JAKMIP1: variants seen among roughly 807,000 people sequenced by gnomAD.
JAKMIP1 encodes janus kinase and microtubule-interacting protein 1.
Under a neutral mutation model 113.0 loss-of-function variants are expected in JAKMIP1, and 33 were observed. That is an observed-to-expected ratio of 0.29 (90% CI 0.22 to 0.39). The LOEUF is 0.39. Ranked by LOEUF, JAKMIP1 falls within the 10% of genes least tolerant of loss-of-function variation. The pLI is 1.00. For synonymous variants in JAKMIP1, 480 were observed against 459.9 expected (o/e 1.04, Z -0.56); for missense variants, 813 against 1,080.5 (o/e 0.75, Z 3.47).
rs1451348666 is a variant in JAKMIP1, at chr4:6,067,885, G to A, written c.1303-2877C>T. Among the ~76,000 whole-genome samples the A allele has an allele frequency of 6.6e-6, 1 of 152,008 alleles. No individual in the cohort carries two copies. Among genetic ancestry groups the A allele is most frequent in the African/African-American group, 2.4e-5 (1 of 41,384 alleles). On this transcript the variant is annotated intron_variant, in intron 8 of 20. Coordinates refer to ENST00000409021, the MANE Select transcript of JAKMIP1 (RefSeq NM_001099433.2). This position sits in a 1 kb window ranked among gnomAD's most constrained non-coding sequence, Gnocchi z 4.6. Reference sequence around the variant, plus strand: ...TGAGCTCCACGTTCCACATTTTTCTGAACAGCCACTGAGCTGACCTTATTT... The same window carrying A: ...TGAGCTCCACGTTCCACATTTTTCTAAACAGCCACTGAGCTGACCTTATTT...
intron 11 of JAKMIP1, among the ~76,000 whole-genome samples, chr4:6,058,464 T>C (rs904496998): frequency 1.3e-5 from 2 of 152,216 alleles, no homozygotes; most frequent in African/African-American, 2.4e-5. Context: ...GCAGCTTATG[T>C]CCCTTCCTTA....
In JAKMIP1 at chr4:6,098,617, A is replaced by AAGGAAGAAAAG. The variant is rs1560180181; in HGVS notation, c.624+6855_624+6856insCTTTTCTTCCT. Reference sequence around the variant, plus strand: ...AAGAAAGAAAGGAAGAAAAGAAAGAAAAAGAAAAAGAAAGAAAGAAAAGAA... The same window carrying AAGGAAGAAAAG: ...AAGAAAGAAAGGAAGAAAAGAAAGAAAGGAAGAAAAGAAAGAAAAAGAAAGAAAGAAAAGAA... On this transcript the variant is annotated intron_variant, in intron 3 of 20. Coordinates refer to ENST00000409021, the MANE Select transcript of JAKMIP1 (RefSeq NM_001099433.2). Among the ~76,000 whole-genome samples, 122 of 137,426 alleles carry AAGGAAGAAAAG rather than the reference A, an allele frequency of 8.9e-4. 1 individual carries two copies. The highest frequency in any genetic ancestry group is 7.5e-3 in the Middle Eastern group (2 of 268). The allele number at this position is 137,426 out of a possible 152,430, so 90.2% of individuals were successfully genotyped here. A position where few individuals can be genotyped will look rare whatever the true frequency, so the allele number is the denominator to read the frequency against.
rs116504302 is a variant in JAKMIP1 at position 6,157,542 on chromosome 4, C to A, written c.-148+42711G>T. ...ACACCTTTTTTGACTAAGAATCCAT[C>A]ATTTTCCTAACTTTTTCATAAGCCA... is the stretch of plus-strand genomic sequence containing the variant. On this transcript the variant is annotated intron_variant, in intron 1 of 20. Transcript: ENST00000409021. The surrounding 1 kb of genome is among the most constrained non-coding windows in gnomAD (Gnocchi z 4.7). 3.0e-3 allele frequency among the ~76,000 whole-genome samples: 458 copies of A among 152,326 alleles called. 4 individuals are homozygous for A. The highest frequency in any genetic ancestry group is 0.011 in the African/African-American group (442 of 41,568).
chr4:6,037,823 C>T (rs1412814091), intron 18 of JAKMIP1, among the ~76,000 whole-genome samples: 2 of 150,714 alleles, frequency 1.3e-5, no homozygotes, highest in Non-Finnish European at 3.0e-5. Context: ...TAACCGGTAG[C>T]CCTCCATCAC....
At chr4:6,198,859 C>T (rs763788353) in intron 1 of JAKMIP1, among the ~76,000 whole-genome samples, 5 of 152,232 alleles carry the variant, frequency 3.3e-5, no homozygotes, top group African/African-American at 7.2e-5. Context: ...CAGCTCCTCC[C>T]ATGGCCTCGC....
chr4:6,123,817 CT>C (rs1362343201), intron 1 of JAKMIP1, among the ~76,000 whole-genome samples: 1 of 152,154 alleles, frequency 6.6e-6, no homozygotes, highest in Non-Finnish European at 1.5e-5. Context: ...CAGTGACACC[CT>C]GTCCCTAAAA....
chr4:6,047,315 G>T (rs1394244972), intron 16 of JAKMIP1, among the ~76,000 whole-genome samples: 19 of 152,270 alleles, frequency 1.2e-4, no homozygotes, highest in Admixed American at 1.2e-3. Context: ...TCCAGTAGAT[G>T]TTGAATAAGC....
chr4:6,122,961 C>T (rs1716916648), intron 1 of JAKMIP1, among the ~76,000 whole-genome samples: 1 of 152,128 alleles, frequency 6.6e-6, no homozygotes. Flanking sequence ...TTAAGGTATT[C>T]AGAACAGGGA....
At chr4:6,118,027 T>C (rs1162418953) in intron 1 of JAKMIP1, among the ~76,000 whole-genome samples, 1 of 152,208 alleles carries the variant, frequency 6.6e-6, no homozygotes. Context: ...ATACATATCC[T>C]TCTTGGCTGA....
At chr4:6,169,602 ATTGTG>A (rs1300751032) in intron 1 of JAKMIP1, among the ~76,000 whole-genome samples, 2,886 of 70,644 alleles carry the variant, frequency 0.041, 89 homozygotes, top group African/African-American at 0.096. Context: ...GCCCTAGGAA[ATTGTG>A]TGTGTGTGTG....
In JAKMIP1 at chr4:6,181,896, G is replaced by A. The variant is rs902589840; in HGVS notation, c.-148+18357C>T. On this transcript the variant is annotated intron_variant, in intron 1 of 20. Transcript: ENST00000409021. The surrounding 1 kb of genome is among the most constrained non-coding windows in gnomAD (Gnocchi z 5.4). ...CAGACAGATGTACAGGGAGGGACCC[G>A]CCCTGGCCTTGGGAGGATGGGTGAT... Among the ~76,000 whole-genome samples, 2 of 152,054 alleles carry A rather than the reference G, an allele frequency of 1.3e-5. No individual in the cohort carries two copies. Among genetic ancestry groups the A allele is most frequent in the African/African-American group, 2.4e-5 (1 of 41,376 alleles).
At chr4:6,046,516 G>A (rs541659087) in intron 16 of JAKMIP1, among the ~76,000 whole-genome samples, 6 of 151,922 alleles carry the variant, frequency 3.9e-5, no homozygotes, top group South Asian at 4.2e-4. Context: ...TCTCTAGCAC[G>A]TAGGGCACAA....
intron 2 of JAKMIP1, among the ~76,000 whole-genome samples, chr4:6,107,340 T>C (rs531102845): frequency 6.2e-4 from 94 of 152,326 alleles, no homozygotes; most frequent in African/African-American, 2.1e-3. Flanking sequence ...TAATCTGCTT[T>C]GATGAGCTGC....
Position 6,111,315 on chromosome 4 carries a change from A to C in JAKMIP1, c.129+1407T>G, listed in dbSNP as rs113399081. ...CCTTCGGGGCTTCAGATAGACCTTC[A>C]ACTGCTCGAGCCACCCAGGAGCAAG... On this transcript the variant is annotated intron_variant, in intron 2 of 20. Transcript: ENST00000409021. Among the ~76,000 whole-genome samples, 215 of 152,266 alleles carry C rather than the reference A, an allele frequency of 1.4e-3. 1 individual carries two copies. Among genetic ancestry groups the C allele is most frequent in the African/African-American group, 5.0e-3 (209 of 41,546 alleles).
Position 6,056,679 on chromosome 4 carries a change from T to C in JAKMIP1, c.1707+18A>G, listed in dbSNP as rs1438545643. ...ACTGCCCTGCGGCTGTGTGCTTCCCTGAGGTGGGGTCACGCACCTTTTCCA... is the reference window on the plus strand; with the variant it reads ...ACTGCCCTGCGGCTGTGTGCTTCCCCGAGGTGGGGTCACGCACCTTTTCCA... On this transcript the variant is annotated intron_variant, in intron 12 of 20. Coordinates refer to ENST00000409021, the MANE Select transcript of JAKMIP1 (RefSeq NM_001099433.2). The C allele has an allele frequency of 1.9e-6, 3 of 1,606,740 alleles. No homozygotes were observed. Among genetic ancestry groups the C allele is most frequent in the Non-Finnish European group, 2.6e-6 (3 of 1,173,688 alleles).
intron 8 of JAKMIP1, among the ~76,000 whole-genome samples, chr4:6,073,926 A>G: frequency 6.6e-6 from 1 of 152,232 alleles, no homozygotes; most frequent in East Asian, 1.9e-4. Context: ...GCAAGTTCCA[A>G]TAGCCTGCAA....
At chr4:6,148,604 C>T (rs1721164943) in intron 1 of JAKMIP1, among the ~76,000 whole-genome samples, 1 of 152,242 alleles carries the variant, frequency 6.6e-6, no homozygotes, top group South Asian at 2.1e-4. Flanking sequence ...TTTCCTGGTG[C>T]GCTCCCCTTG....
chr4:6,122,692 T>G (rs1375366253), intron 1 of JAKMIP1, among the ~76,000 whole-genome samples: 1 of 152,140 alleles, frequency 6.6e-6, no homozygotes, highest in Non-Finnish European at 1.5e-5. Context: ...GAACTGTTGT[T>G]TCGTCAGCTG....
At chr4:6,164,718 T>C (rs1401526796) in intron 1 of JAKMIP1, among the ~76,000 whole-genome samples, 1 of 152,340 alleles carries the variant, frequency 6.6e-6, no homozygotes, top group Middle Eastern at 3.4e-3. Context: ...AAGAAGTTGA[T>C]TCTAACCCCT....
Sources: allele counts gnomAD v4.1 joint callset (sites outside exome capture counted in the v4.1 genomes callset), GRCh38; gene constraint gnomAD v4.1.1; non-coding constraint Gnocchi (gnomAD v3.1); transcripts MANE v1.5; gene names NCBI Gene and HGNC (gene_info 2026-07-23, HGNC 2026-07-21).